The following PBRM1 variants were observed in gnomAD, a reference collection of about 807,000 sequenced individuals.
The protein encoded by PBRM1 is polybromo 1.
A neutral mutation model predicts 194.5 loss-of-function variants in PBRM1; 27 were observed. The ratio of observed to expected loss-of-function variants is 0.14; its 90% CI spans 0.10 to 0.19. PBRM1 has a LOEUF of 0.19. Among genes scored for constraint, PBRM1 ranks in the 10% least tolerant of loss-of-function variants. The pLI, the probability that PBRM1 is intolerant of heterozygous loss-of-function variation, is 1.00. For synonymous variants in PBRM1, 655 were observed against 693.2 expected (o/e 0.94, Z 0.87); for missense variants, 1,466 against 2,077.2 (o/e 0.71, Z 5.72).
In PBRM1 at chr3:52,609,860, C is replaced by T; in HGVS notation, c.2020G>A (p.Asp674Asn). The stretch of plus-strand genomic sequence containing the variant: ...GCACTGAGGCGGCGACCCCTCTTAT[C>T]AGTATAGTTCTTTACAGCTTCATAG... The change falls in exon 16 of 30, where the codon GAT (aspartate) becomes AAT (asparagine). Residue 674 changes from aspartate (D) to asparagine (N), a missense_variant. This residue lies in a region of PBRM1 where 687 missense variants were observed against 946.2 expected (regional missense o/e 0.73). Transcript: ENST00000296302. This position sits in a 1 kb window ranked among gnomAD's most constrained non-coding sequence, Gnocchi z 4.1. 1 of 1,608,588 alleles carries T rather than the reference C, an allele frequency of 6.2e-7. No homozygotes were observed.
Position 52,667,338 on chromosome 3 carries a change from T to C in PBRM1, c.384+1160A>G, listed in dbSNP as rs563752204. On this transcript the variant is annotated intron_variant, in intron 3 of 29. Transcript: ENST00000296302. ...CATTTCTGTTCATCAAAAAATACCA[T>C]GAAAGGTGAAAAGATATGCACACAG... 5.3e-5 allele frequency among the ~76,000 whole-genome samples: 8 copies of C among 151,598 alleles called. No individual in the cohort carries two copies. The South Asian group carries it at 8.3e-4, about 16-fold the overall frequency.
At chr3:52,597,430 T>C (rs924907035) in intron 17 of PBRM1, among the ~76,000 whole-genome samples, 2 of 152,232 alleles carry the variant, frequency 1.3e-5, no homozygotes, top group African/African-American at 2.4e-5. Context: ...GTTCTGCCAA[T>C]TTTGGTGAAA....
At chr3:52,662,615 C>G (rs1426782756) in intron 3 of PBRM1, among the ~76,000 whole-genome samples, 1 of 152,138 alleles carries the variant, frequency 6.6e-6, no homozygotes, top group Admixed American at 6.5e-5. Context: ...ATCATGAGGT[C>G]AAGAGATCGA....
downstream of PBRM1, chr3:52,547,066 C>G (rs984777506): frequency 4.3e-6 from 1 of 233,120 alleles, no homozygotes. Context: ...ACTCTCTTAC[C>G]CATGTTAGGT....
At chr3:52,644,497 G>A (rs1392095415) in intron 8 of PBRM1, among the ~76,000 whole-genome samples, 1 of 151,924 alleles carries the variant, frequency 6.6e-6, no homozygotes, top group East Asian at 1.9e-4. Flanking sequence ...CAATTCTCCT[G>A]CCTCAGCCTC....
At chr3:52,653,959 A>G (rs1171914666) in intron 5 of PBRM1, among the ~76,000 whole-genome samples, 1 of 152,232 alleles carries the variant, frequency 6.6e-6, no homozygotes, top group Non-Finnish European at 1.5e-5. Flanking sequence ...GATTTATCAA[A>G]TACTAGGTCA....
chr3:52,645,236 C>G (rs2096254724), intron 7 of PBRM1, among the ~76,000 whole-genome samples: 1 of 152,004 alleles, frequency 6.6e-6, no homozygotes, highest in African/African-American at 2.4e-5. Context: ...TAACTTTTTG[C>G]AGTCTGAGGT....
At chr3:52,653,600 A>AAAG (rs2096551454) in intron 5 of PBRM1, among the ~76,000 whole-genome samples, 1 of 150,270 alleles carries the variant, frequency 6.7e-6, no homozygotes. Context: ...AAAAAAAAAA[A>AAAG]AAAGAAAGAA....
intron 13 of PBRM1, among the ~76,000 whole-genome samples, chr3:52,618,199 TA>T (rs1246782814): frequency 2.0e-5 from 3 of 152,128 alleles, no homozygotes; most frequent in Admixed American, 6.5e-5. Flanking sequence ...TTTTCTAGAG[TA>T]AAATTTCCAT....
intron 9 of PBRM1, among the ~76,000 whole-genome samples, chr3:52,642,439 AC>A (rs1290356345): frequency 6.6e-6 from 1 of 151,938 alleles, no homozygotes; most frequent in African/African-American, 2.4e-5. Context: ...ACATGGTGAA[AC>A]CCCATCTCTA....
intron 17 of PBRM1, among the ~76,000 whole-genome samples, chr3:52,603,271 T>G (rs2094128129): frequency 6.6e-6 from 1 of 152,242 alleles, no homozygotes; most frequent in Non-Finnish European, 1.5e-5. Flanking sequence ...CCCCCACACT[T>G]GTGAATTAAC....
chr3:52,666,453 G>A (rs992098734), intron 3 of PBRM1, among the ~76,000 whole-genome samples: 5 of 151,864 alleles, frequency 3.3e-5, no homozygotes, highest in African/African-American at 4.8e-5. Flanking sequence ...GGAGAATGGC[G>A]TGAACCTGGA....
intron 13 of PBRM1, among the ~76,000 whole-genome samples, chr3:52,618,749 G>A (rs1042515858): frequency 3.4e-5 from 5 of 148,114 alleles, no homozygotes; most frequent in Admixed American, 6.7e-5. Flanking sequence ...CGCCTGCCAC[G>A]ACGCCCTGCT....
At chr3:52,553,908 C>G (rs1382456950) in intron 27 of PBRM1, among the ~76,000 whole-genome samples, 1 of 151,976 alleles carries the variant, frequency 6.6e-6, no homozygotes, top group Non-Finnish European at 1.5e-5. Flanking sequence ...GTGATCCGCC[C>G]ACCTCGGCCT....
chr3:52,684,440 T>C (rs1271003524), upstream of PBRM1, among the ~76,000 whole-genome samples: 2 of 152,130 alleles, frequency 1.3e-5, no homozygotes, highest in Admixed American at 6.5e-5. Context: ...ATATTTCTAG[T>C]AATATTTAGC....
At chr3:52,638,007 G>A (rs376561529) in intron 10 of PBRM1, among the ~76,000 whole-genome samples, 4 of 152,046 alleles carry the variant, frequency 2.6e-5, no homozygotes, top group African/African-American at 9.6e-5. Flanking sequence ...TCTCTTACTA[G>A]TTAGCAAATA....
chr3:52,658,408 G>A, intron 4 of PBRM1, 93 bp from the exon 6 acceptor site: 1 of 598,140 alleles, frequency 1.7e-6, no homozygotes. Flanking sequence ...ATTCAAAACA[G>A]CAACTTTTTT....
At position 52,609,233 on chromosome 3, in the gene PBRM1, T is replaced by A. The variant is rs903909981; in HGVS notation, c.2567+80A>T. On this transcript the variant is annotated intron_variant, in intron 16 of 29. Coordinates refer to ENST00000296302, the Ensembl canonical transcript of PBRM1. The surrounding 1 kb of genome is among the most constrained non-coding windows in gnomAD (Gnocchi z 4.1). ...AAATCATGTATGTAAGTGGAAATAG[T>A]ACATCAAAGCAATATTCTTTCATCT... is the stretch of plus-strand genomic sequence containing the variant. 1 of 1,096,440 alleles carries A rather than the reference T, an allele frequency of 9.1e-7. No homozygotes were observed. The highest frequency in any genetic ancestry group is 1.3e-6 in the Non-Finnish European group (1 of 748,782). 67.9% of individuals were successfully genotyped at this position (1,096,440 alleles called of 1,614,324 possible).
In PBRM1 at chr3:52,609,332, G is replaced by A. The variant is rs2094500791; in HGVS notation, c.2548C>T (p.Arg850Ter). Reference sequence around the variant, plus strand: ...ACATACCGATTCATCCTTCTTGCTCGTTCCAATACTTCAAACATATGCTCT... The same window carrying A: ...ACATACCGATTCATCCTTCTTGCTCATTCCAATACTTCAAACATATGCTCT... Residue 850 changes from arginine (R) to a stop codon, truncating the protein, a stop_gained, in exon 16 of 30, where the codon CGA (arginine) becomes TGA (stop). Coordinates refer to ENST00000296302, the Ensembl canonical transcript of PBRM1. LOFTEE classifies it high-confidence loss of function. The surrounding 1 kb of genome is among the most constrained non-coding windows in gnomAD (Gnocchi z 4.1). 1 of 1,612,988 alleles carries A rather than the reference G, an allele frequency of 6.2e-7. No homozygotes were observed. Among genetic ancestry groups the A allele is most frequent in the African/African-American group, 1.3e-5 (1 of 74,864 alleles).
Sources: allele counts gnomAD v4.1 joint callset (sites outside exome capture counted in the v4.1 genomes callset), GRCh38; gene constraint gnomAD v4.1.1; regional missense constraint gnomAD v4.1.1; non-coding constraint Gnocchi (gnomAD v3.1); transcripts MANE v1.5; gene names NCBI Gene and HGNC (gene_info 2026-07-23, HGNC 2026-07-21).